WDFY3: variants seen among roughly 807,000 people sequenced by gnomAD.
WDFY3 encodes WD repeat and FYVE domain containing 3, also known as WD repeat and FYVE domain-containing protein 3.
A neutral mutation model predicts 409.6 loss-of-function variants in WDFY3; 66 were observed. The ratio of observed to expected loss-of-function variants is 0.16; its 90% CI spans 0.13 to 0.20. The LOEUF (loss-of-function observed/expected upper bound fraction) is 0.20, where lower values mean the gene tolerates loss of function less well. Ranked by LOEUF, WDFY3 falls within the 10% of genes least tolerant of loss-of-function variation. WDFY3 has a pLI of 1.00. For synonymous variants in WDFY3, 1,521 were observed against 1,537.1 expected, an observed-to-expected ratio of 0.99 and a Z score of 0.25; for missense variants, 3,031 against 4,298.1, an observed-to-expected ratio of 0.71 and a Z score of 8.24.
chr4:84,763,551 A>T (rs1450288737), intron 32 of WDFY3, among the ~76,000 whole-genome samples: 1 of 152,272 alleles, frequency 6.6e-6, no homozygotes, highest in East Asian at 1.9e-4. Context: ...GTAAAATTTT[A>T]AAAAATCTAT....
intron 21 of WDFY3, among the ~76,000 whole-genome samples, chr4:84,793,063 T>C (rs1748791624): frequency 6.6e-6 from 1 of 152,218 alleles, no homozygotes; most frequent in Non-Finnish European, 1.5e-5. Context: ...TAGGGAGGCA[T>C]ATTACAGTAA....
intron 5 of WDFY3, among the ~76,000 whole-genome samples, chr4:84,847,622 A>T (rs868216998): frequency 2.0e-5 from 3 of 149,132 alleles, no homozygotes; most frequent in Admixed American, 6.7e-5. Flanking sequence ...AAAAAAAAAA[A>T]AATTAGCCGG....
At position 84,886,260 on chromosome 4, in the gene WDFY3, ACT is replaced by A. The variant is rs375915374; in HGVS notation, c.-32+10649_-32+10650del. The A allele has an allele frequency of 2.0e-3, 305 of 152,250 alleles. 2 individuals carry two copies. The highest frequency in any genetic ancestry group is 6.9e-3 in the African/African-American group (287 of 41,570). The allele number at this position is 152,250 out of a possible 1,614,324, so 9.4% of individuals were successfully genotyped here. A position where few individuals can be genotyped will look rare whatever the true frequency, so the allele number is the denominator to read the frequency against. On this transcript the variant is annotated intron_variant, in intron 3 of 67. Transcript: ENST00000295888. ...TGAATTTAGTTCAACCCTAAAAATC[ACT>A]GTTTTATATAAAAATATATTTACAT...
intron 4 of WDFY3, among the ~76,000 whole-genome samples, 170 bp from the exon 5 acceptor site, chr4:84,850,195 C>A (rs546551509): frequency 6.6e-6 from 1 of 152,258 alleles, no homozygotes; most frequent in Non-Finnish European, 1.5e-5. Flanking sequence ...AATCACATGT[C>A]TAGCCACATT....
At chr4:84,749,712 TGA>T (rs1475559866) in intron 36 of WDFY3, among the ~76,000 whole-genome samples, 1 of 152,174 alleles carries the variant, frequency 6.6e-6, no homozygotes, top group Non-Finnish European at 1.5e-5. Context: ...CTAAAAGTTG[TGA>T]GAGATGAAGG....
At chr4:84,911,776 A>T (rs887958050) in intron 2 of WDFY3, among the ~76,000 whole-genome samples, 2 of 152,242 alleles carry the variant, frequency 1.3e-5, no homozygotes, top group African/African-American at 2.4e-5. Flanking sequence ...ATTTTTTACC[A>T]TAAAAATATA....
At chr4:84,904,224 GCATT>G (rs552176936) in intron 2 of WDFY3, among the ~76,000 whole-genome samples, 5 of 152,164 alleles carry the variant, frequency 3.3e-5, no homozygotes, top group Admixed American at 6.5e-5. Context: ...TTTCTGTCAT[GCATT>G]CATTCATTCA....
At chr4:84,745,632 C>A (rs1306999469) in intron 36 of WDFY3, among the ~76,000 whole-genome samples, 1 of 152,056 alleles carries the variant, frequency 6.6e-6, no homozygotes, top group Non-Finnish European at 1.5e-5. Context: ...TTTAAAATGA[C>A]AAAATATGGG....
chr4:84,924,242 C>T (rs140480525), intron 2 of WDFY3, among the ~76,000 whole-genome samples: 228 of 152,280 alleles, frequency 1.5e-3, no homozygotes, highest in African/African-American at 5.0e-3. Flanking sequence ...TATTTTCTAG[C>T]GTTTACAATA....
chr4:84,826,766 TC>T (rs1324204969), intron 10 of WDFY3, 48 bp downstream of exon 10: 1 of 1,509,284 alleles, frequency 6.6e-7, no homozygotes, highest in Non-Finnish European at 8.8e-7. Flanking sequence ...ACAAATTCAT[TC>T]TTTCTCTATT....
At chr4:84,735,317 A>G (rs761720804) in intron 42 of WDFY3, among the ~76,000 whole-genome samples, 197 bp from the exon 43 acceptor site, 11 of 152,176 alleles carry the variant, frequency 7.2e-5, no homozygotes, top group Non-Finnish European at 1.2e-4. Flanking sequence ...CCACCCCCAA[A>G]GCCCCTTCAA....
At chr4:84,933,733 T>C (rs552230229) in intron 1 of WDFY3, among the ~76,000 whole-genome samples, 5 of 152,178 alleles carry the variant, frequency 3.3e-5, no homozygotes, top group Admixed American at 2.0e-4. Context: ...ATGAGTTCAA[T>C]TGTTTTAATT....
At chr4:84,902,772 C>G (rs1200459341) in intron 2 of WDFY3, among the ~76,000 whole-genome samples, 2 of 152,174 alleles carry the variant, frequency 1.3e-5, no homozygotes, top group African/African-American at 4.8e-5. Context: ...GGGAGTGATA[C>G]TATGTGACTT....
At chr4:84,944,557 C>T (rs946392649) in intron 1 of WDFY3, among the ~76,000 whole-genome samples, 1 of 151,096 alleles carries the variant, frequency 6.6e-6, no homozygotes, top group Non-Finnish European at 1.5e-5. Context: ...GGTGCAGTGG[C>T]TCATGCCTGT....
chr4:84,747,629 AGG>A (rs1739709895), intron 36 of WDFY3, among the ~76,000 whole-genome samples: 1 of 152,112 alleles, frequency 6.6e-6, no homozygotes, highest in Non-Finnish European at 1.5e-5. Context: ...AAGTCATGAG[AGG>A]GACACAGTGG....
intron 4 of WDFY3, among the ~76,000 whole-genome samples, chr4:84,853,477 T>C (rs1759321361): frequency 6.6e-6 from 1 of 151,970 alleles, no homozygotes; most frequent in Admixed American, 6.6e-5. Context: ...CCTGGCTGAG[T>C]ACATGGTTTT....
intron 32 of WDFY3, among the ~76,000 whole-genome samples, chr4:84,760,013 AG>A (rs1163233848): frequency 2.0e-5 from 3 of 152,018 alleles, no homozygotes; most frequent in African/African-American, 7.3e-5. Context: ...TTTAGCCTGA[AG>A]GGTTGTTGAA....
At chr4:84,961,486 A>C (rs1302328875) in intron 1 of WDFY3, among the ~76,000 whole-genome samples, 1 of 152,054 alleles carries the variant, frequency 6.6e-6, no homozygotes, top group African/African-American at 2.4e-5. Flanking sequence ...AAAATGGTTC[A>C]TTTTTTAAAT....
At chr4:84,814,179 G>T (rs1386528265) in intron 13 of WDFY3, among the ~76,000 whole-genome samples, 1 of 152,150 alleles carries the variant, frequency 6.6e-6, no homozygotes, top group Admixed American at 6.5e-5. Flanking sequence ...GGAAGAAGTA[G>T]ATATAAGAAA....
Sources: allele counts gnomAD v4.1 joint callset (sites outside exome capture counted in the v4.1 genomes callset), GRCh38; gene constraint gnomAD v4.1.1; transcripts MANE v1.5; gene names NCBI Gene and HGNC (gene_info 2026-07-23, HGNC 2026-07-21).